Variants in SLC12A2 observed in about 807,000 individuals in gnomAD.
SLC12A2 encodes solute carrier family 12 member 2.
SLC12A2 carries 67 observed loss-of-function variants against 136.3 expected under a neutral mutation model. That is an observed-to-expected ratio of 0.49 (90% CI 0.40 to 0.60). SLC12A2 has a LOEUF of 0.60. Among genes scored for constraint, SLC12A2 ranks in the 20% least tolerant of loss-of-function variants. The probability of loss-of-function intolerance (pLI) is 0.00; values close to 1 mark genes in which losing one functional copy is unlikely to be tolerated. For missense variants in SLC12A2, 1,322 were observed against 1,534.7 expected (o/e 0.86, Z 2.32); for synonymous variants, 619 against 562.9 (o/e 1.10, Z -1.41).
intron 15 of SLC12A2, among the ~76,000 whole-genome samples, chr5:128,154,744 C>T (rs920463397): frequency 3.3e-5 from 5 of 152,110 alleles, no homozygotes; most frequent in Admixed American, 6.6e-5. Flanking sequence ...CTTCTATCCA[C>T]GAAGTTAGTG....
intron 4 of SLC12A2, among the ~76,000 whole-genome samples, chr5:128,120,658 A>G (rs956919781): frequency 4.6e-5 from 7 of 151,596 alleles, no homozygotes; most frequent in East Asian, 2.0e-4. Context: ...GAATTGAACA[A>G]TGAGAACACA....
intron 24 of SLC12A2, among the ~76,000 whole-genome samples, chr5:128,184,061 G>T (rs1053876669): frequency 3.9e-5 from 6 of 151,984 alleles, no homozygotes; most frequent in Admixed American, 2.0e-4. Flanking sequence ...ATGTTCCACT[G>T]AGCATTTCCA....
rs779129594 is a variant in SLC12A2, at chr5:128,167,882, A to T, written c.2723+15A>T. On this transcript the variant is annotated intron_variant, in intron 18 of 26. Transcript: ENST00000262461. ...AACTTATTTCAGTAAGTATCTTTTTAATTCAATAATTTAGTTCATTTAGAA... is the reference window on the plus strand; with the variant it reads ...AACTTATTTCAGTAAGTATCTTTTTTATTCAATAATTTAGTTCATTTAGAA... 11 of 1,390,088 alleles carry T rather than the reference A, an allele frequency of 7.9e-6. No homozygotes were observed. Among genetic ancestry groups the T allele is most frequent in the Non-Finnish European group, 1.1e-5 (11 of 1,011,874 alleles). The allele number at this position is 1,390,088 out of a possible 1,614,324, so 86.1% of individuals were successfully genotyped here.
chr5:128,157,040 C>CT, intron 15 of SLC12A2, among the ~76,000 whole-genome samples: 1 of 152,176 alleles, frequency 6.6e-6, no homozygotes, highest in Non-Finnish European at 1.5e-5. Flanking sequence ...GACAGAATTG[C>CT]TTTTCCAGCT....
chr5:128,085,834 G>A (rs1342336779), intron 1 of SLC12A2, among the ~76,000 whole-genome samples: 1 of 152,174 alleles, frequency 6.6e-6, no homozygotes. Context: ...TCACACAGAG[G>A]TAATTACAGA....
intron 12 of SLC12A2, among the ~76,000 whole-genome samples, chr5:128,149,123 A>C (rs1762618727): frequency 6.6e-6 from 1 of 151,790 alleles, no homozygotes; most frequent in Non-Finnish European, 1.5e-5. Flanking sequence ...TGATAATGGC[A>C]TAAGGGAAAG....
intron 4 of SLC12A2, among the ~76,000 whole-genome samples, chr5:128,128,635 C>A (rs1192472272): frequency 2.0e-5 from 3 of 151,958 alleles, no homozygotes; most frequent in Non-Finnish European, 4.4e-5. Context: ...ATGACCTTAG[C>A]CAAATTACTT....
Position 128,147,719 on chromosome 5 carries a change from A to G in SLC12A2, c.1871A>G (p.Lys624Arg). The change falls in exon 11 of 27, where the codon AAA becomes AGA. Residue 624 changes from lysine (K) to arginine (R), a missense_variant. This residue lies in a region of SLC12A2 where 294 missense variants were observed against 436.6 expected (regional missense o/e 0.67). Transcript: ENST00000262461. Reference sequence around the variant, plus strand: ...TTAGCATCCCTAGTGAGTGCTCCCAAAATATTTCAGGTAAGTGTTTTTATA... The same window carrying G: ...TTAGCATCCCTAGTGAGTGCTCCCAGAATATTTCAGGTAAGTGTTTTTATA... Reference protein sequence around the residue: ...SALASLVSAPKIFQALCKDNI... With the variant: ...SALASLVSAPRIFQALCKDNI... 6.3e-7 allele frequency: 1 copy of G among 1,597,500 alleles called. No individual in the cohort carries two copies. The highest frequency in any genetic ancestry group is 8.6e-7 in the Non-Finnish European group (1 of 1,166,156).
At position 128,083,771 on chromosome 5, in the gene SLC12A2, C is replaced by A; in HGVS notation, c.-184C>A. 1 of 390,994 alleles carries A rather than the reference C, an allele frequency of 2.6e-6. No homozygotes were observed. Among genetic ancestry groups the A allele is most frequent in the South Asian group, 1.3e-4 (1 of 7,718 alleles). The allele number at this position is 390,994 out of a possible 1,614,324, so 24.2% of individuals were successfully genotyped here. A position where few individuals can be genotyped will look rare whatever the true frequency, so the allele number is the denominator to read the frequency against. ...GGGCCCGCCCCGCGCCCGCCACACTCGCGCGCTCGCTCGGCTGCCGGTGGC... is the reference window on the plus strand; with the variant it reads ...GGGCCCGCCCCGCGCCCGCCACACTAGCGCGCTCGCTCGGCTGCCGGTGGC... On this transcript the variant is annotated 5_prime_UTR_variant, in exon 1 of 27. Transcript: ENST00000262461.
rs372179434 is a variant in SLC12A2, at chr5:128,135,789, A to C, written c.1389A>C (p.Lys463Asn). 1.9e-6 allele frequency: 3 copies of C among 1,604,814 alleles called. No individual in the cohort carries two copies. Among genetic ancestry groups the C allele is most frequent in the Non-Finnish European group, 2.6e-6 (3 of 1,172,480 alleles). Residue 463 changes from lysine to asparagine, a missense_variant, in exon 7 of 27, where the codon AAA becomes AAC. This residue lies in a region of SLC12A2 where 110 missense variants were observed against 114.5 expected (regional missense o/e 0.96). Transcript: ENST00000262461. ...TCCCACTGGAGAGCAAGAAGCCAAA[A>C]GGGTTTTTTGGTTATAAATGTAAGT... ...TFIPLESKKP[K>N]GFFGYKSEIF...
intron 15 of SLC12A2, among the ~76,000 whole-genome samples, chr5:128,155,548 A>C (rs766376673): frequency 6.6e-6 from 1 of 152,302 alleles, no homozygotes; most frequent in South Asian, 2.1e-4. Flanking sequence ...CCCTGAAACT[A>C]ATAATTTTTC....
intron 1 of SLC12A2, chr5:128,109,818 G>T: frequency 1.3e-6 from 1 of 793,468 alleles, no homozygotes; most frequent in Non-Finnish European, 2.3e-6. Flanking sequence ...CTGAAGATGG[G>T]AGTTAAATTC....
At chr5:128,085,219 A>G (rs571208383) in intron 1 of SLC12A2, among the ~76,000 whole-genome samples, 2 of 152,238 alleles carry the variant, frequency 1.3e-5, no homozygotes, top group Admixed American at 6.5e-5. Context: ...ATGAGTTATT[A>G]AAGCTCAATT....
intron 4 of SLC12A2, among the ~76,000 whole-genome samples, chr5:128,122,816 C>G (rs1163181673): frequency 2.6e-5 from 4 of 152,022 alleles, no homozygotes; most frequent in African/African-American, 9.7e-5. Flanking sequence ...CATTATCAAG[C>G]AAGGAGTTCT....
chr5:128,135,643 G>T, intron 6 of SLC12A2, 57 bp from the exon 7 acceptor site: 1 of 1,122,012 alleles, frequency 8.9e-7, no homozygotes, highest in South Asian at 1.3e-5. Flanking sequence ...TAGGGGAATT[G>T]AATCAAGATA....
At chr5:128,161,569 T>G in intron 16 of SLC12A2, 91 bp from the exon 17 acceptor site, 1 of 771,542 alleles carries the variant, frequency 1.3e-6, no homozygotes, top group South Asian at 6.1e-5. Flanking sequence ...TAGTCACCTG[T>G]TTCAAGCCAG....
At chr5:128,129,234 G>A (rs1482702048) in intron 4 of SLC12A2, among the ~76,000 whole-genome samples, 2 of 151,864 alleles carry the variant, frequency 1.3e-5, no homozygotes, top group Non-Finnish European at 2.9e-5. Flanking sequence ...TTTTGCTATT[G>A]GGAGTAGATG....
At chr5:128,098,174 G>A (rs1417119482) in intron 1 of SLC12A2, among the ~76,000 whole-genome samples, 1 of 151,936 alleles carries the variant, frequency 6.6e-6, no homozygotes, top group Admixed American at 6.6e-5. Flanking sequence ...TAAGTTTCTT[G>A]AATCTGTACG....
intron 1 of SLC12A2, among the ~76,000 whole-genome samples, chr5:128,097,374 T>G (rs1352155912): frequency 6.6e-6 from 1 of 152,078 alleles, no homozygotes; most frequent in Non-Finnish European, 1.5e-5. Flanking sequence ...TATAGAATAT[T>G]CATATAGTTA....
Sources: allele counts gnomAD v4.1 joint callset (sites outside exome capture counted in the v4.1 genomes callset), GRCh38; gene constraint gnomAD v4.1.1; regional missense constraint gnomAD v4.1.1; transcripts MANE v1.5; gene names NCBI Gene and HGNC (gene_info 2026-07-23, HGNC 2026-07-21).